The following NPSR1 variants were observed in gnomAD, a reference collection of about 807,000 sequenced individuals.
NPSR1 encodes neuropeptide S receptor.
Under a neutral mutation model 46.9 loss-of-function variants are expected in NPSR1, and 48 were observed. That is an observed-to-expected ratio of 1.02 (90% CI 0.81 to 1.30). NPSR1 has a LOEUF of 1.30. Among genes scored for constraint, NPSR1 ranks in the 50% most tolerant of loss-of-function variants. The pLI, the probability that NPSR1 is intolerant of heterozygous loss-of-function variation, is 0.00. For missense variants in NPSR1, 450 were observed against 449.5 expected (o/e 1.00, Z -0.01); for synonymous variants, 176 against 168.1 (o/e 1.05, Z -0.36).
intron 2 of NPSR1, among the ~76,000 whole-genome samples, chr7:34,742,700 G>A (rs1785007901): frequency 6.6e-6 from 1 of 152,090 alleles, no homozygotes; most frequent in African/African-American, 2.4e-5. Context: ...GGAAATGCTG[G>A]GTCAAATGGT....
At chr7:34,738,500 T>G (rs1784786984) in intron 2 of NPSR1, among the ~76,000 whole-genome samples, 1 of 152,220 alleles carries the variant, frequency 6.6e-6, no homozygotes, top group Admixed American at 6.5e-5. Context: ...TATACTATTT[T>G]TTTCTGTCTC....
At chr7:34,826,705 T>A (rs1789862414) in intron 4 of NPSR1, among the ~76,000 whole-genome samples, 1 of 152,172 alleles carries the variant, frequency 6.6e-6, no homozygotes, top group Non-Finnish European at 1.5e-5. Flanking sequence ...GTATTTTTTA[T>A]ACCAATTTAA....
chr7:34,820,496 A>G (rs1789499674), intron 4 of NPSR1, among the ~76,000 whole-genome samples: 1 of 152,186 alleles, frequency 6.6e-6, no homozygotes, highest in Non-Finnish European at 1.5e-5. Context: ...TGACATAGGT[A>G]TGCAAAAATG....
At chr7:34,679,897 A>C (rs1278919332) in intron 1 of NPSR1, among the ~76,000 whole-genome samples, 2 of 152,150 alleles carry the variant, frequency 1.3e-5, no homozygotes, top group Non-Finnish European at 2.9e-5. Context: ...AACTAATCCT[A>C]ATACTAAATA....
chr7:34,683,499 C>CT, intron 1 of NPSR1, among the ~76,000 whole-genome samples: 1 of 152,060 alleles, frequency 6.6e-6, no homozygotes, highest in African/African-American at 2.4e-5. Flanking sequence ...AGCATTCTCG[C>CT]TTTTTTCTTT....
chr7:34,737,144 A>C (rs937432562), intron 2 of NPSR1, among the ~76,000 whole-genome samples: 18 of 152,118 alleles, frequency 1.2e-4, no homozygotes, highest in Non-Finnish European at 2.4e-4. Context: ...CAATATCAGC[A>C]TTCATATCCC....
chr7:34,703,690 T>C (rs1433687866), intron 2 of NPSR1, among the ~76,000 whole-genome samples: 4 of 152,182 alleles, frequency 2.6e-5, no homozygotes, highest in East Asian at 1.9e-4. Context: ...AGAAAGAAAA[T>C]AGATCTTGAA....
intron 3 of NPSR1, among the ~76,000 whole-genome samples, chr7:34,782,297 G>A (rs1391996035): frequency 6.6e-6 from 1 of 152,130 alleles, no homozygotes; most frequent in East Asian, 1.9e-4. Flanking sequence ...ATCAGACACT[G>A]GTGATACTGC....
At chr7:34,684,963 C>G (rs898067) in intron 2 of NPSR1, among the ~76,000 whole-genome samples, 16,577 of 152,170 alleles carry the variant, frequency 0.11, 995 homozygotes, top group African/African-American at 0.15. Context: ...TGTTTTTATA[C>G]ACAGTAGCCT....
intron 3 of NPSR1, among the ~76,000 whole-genome samples, chr7:34,807,464 G>A (rs1788758401): frequency 6.6e-6 from 1 of 152,074 alleles, no homozygotes; most frequent in African/African-American, 2.4e-5. Flanking sequence ...TTGCCATCAT[G>A]TGTTGTATCT....
At chr7:34,741,201 T>G (rs538674365) in intron 2 of NPSR1, among the ~76,000 whole-genome samples, 66 of 152,188 alleles carry the variant, frequency 4.3e-4, no homozygotes, top group African/African-American at 1.5e-3. Flanking sequence ...TCATCAGGCT[T>G]TTTGCATGTG....
At chr7:34,740,833 C>A (rs12534336) in intron 2 of NPSR1, among the ~76,000 whole-genome samples, 5 of 152,240 alleles carry the variant, frequency 3.3e-5, no homozygotes, top group Middle Eastern at 3.4e-3. Flanking sequence ...TTTATTCCTG[C>A]AGTCATTCTG....
chr7:34,764,414 C>A (rs1047158866), intron 2 of NPSR1, among the ~76,000 whole-genome samples: 5 of 152,212 alleles, frequency 3.3e-5, no homozygotes, highest in Non-Finnish European at 7.3e-5. Context: ...ATCCATCCTG[C>A]AGCTTATTTT....
chr7:34,780,767 G>A (rs940371509), intron 3 of NPSR1, among the ~76,000 whole-genome samples: 2 of 152,102 alleles, frequency 1.3e-5, no homozygotes, highest in Non-Finnish European at 2.9e-5. Flanking sequence ...AAATTCCCAA[G>A]AAATTGCCAT....
intron 2 of NPSR1, among the ~76,000 whole-genome samples, chr7:34,692,735 T>A (rs1241183715): frequency 6.6e-6 from 1 of 152,026 alleles, no homozygotes; most frequent in Non-Finnish European, 1.5e-5. Flanking sequence ...GATTGAGATT[T>A]AAAAAAAGAT....
At chr7:34,821,604 A>G (rs1789563357) in intron 4 of NPSR1, among the ~76,000 whole-genome samples, 1 of 152,196 alleles carries the variant, frequency 6.6e-6, no homozygotes, top group Non-Finnish European at 1.5e-5. Context: ...TTAGAGGTAC[A>G]GACTTGAGAC....
chr7:34,707,947 G>A (rs947709213), intron 2 of NPSR1, among the ~76,000 whole-genome samples: 2 of 152,174 alleles, frequency 1.3e-5, no homozygotes, highest in African/African-American at 2.4e-5. Context: ...GTAGATGGCT[G>A]TCTTCTCCGT....
chr7:34,848,945 A>G lies in NPSR1; in HGVS notation c.1025+282A>G, dbSNP rs17170024. ...TTGCTTTTATTCAAAGCATCTTCACATGAATTGCCTCAATACAATTCTATG... is the reference window on the plus strand; with the variant it reads ...TTGCTTTTATTCAAAGCATCTTCACGTGAATTGCCTCAATACAATTCTATG... On this transcript the variant is annotated intron_variant, in intron 8 of 8. Coordinates refer to ENST00000360581, the MANE Select transcript of NPSR1 (RefSeq NM_207172.2). 6.8e-3 allele frequency among the ~76,000 whole-genome samples: 1,036 copies of G among 152,376 alleles called. 14 individuals are homozygous for G. The highest frequency in any genetic ancestry group is 0.024 in the African/African-American group (989 of 41,586).
At chr7:34,790,005 G>A (rs78445393) in intron 3 of NPSR1, among the ~76,000 whole-genome samples, 2,077 of 152,096 alleles carry the variant, frequency 0.014, 16 homozygotes, top group Non-Finnish European at 0.021. Flanking sequence ...TGAAAAAAGT[G>A]TTTACTTCCA....
Sources: allele counts gnomAD v4.1 joint callset (sites outside exome capture counted in the v4.1 genomes callset), GRCh38; gene constraint gnomAD v4.1.1; transcripts MANE v1.5; gene names NCBI Gene and HGNC (gene_info 2026-07-23, HGNC 2026-07-21).